Variants in MKLN1 observed in about 807,000 individuals in gnomAD.
The protein encoded by MKLN1 is muskelin.
Under a neutral mutation model 99.0 loss-of-function variants are expected in MKLN1, and 18 were observed. The observed-to-expected ratio is 0.18, with a 90% confidence interval of 0.13 to 0.27. MKLN1 has a LOEUF of 0.27. Ranked by LOEUF, MKLN1 falls within the 10% of genes least tolerant of loss-of-function variation. The probability of loss-of-function intolerance (pLI) is 1.00; values close to 1 mark genes in which losing one functional copy is unlikely to be tolerated. For synonymous variants in MKLN1, 288 were observed against 293.2 expected (o/e 0.98, Z 0.18); for missense variants, 621 against 875.9 (o/e 0.71, Z 3.67).
intron 6 of MKLN1, among the ~76,000 whole-genome samples, chr7:131,400,509 TAAA>T (rs779312882): frequency 7.5e-6 from 1 of 133,148 alleles, no homozygotes; most frequent in Non-Finnish European, 1.6e-5. Context: ...ATGCTACCAA[TAAA>T]AAAAAAATAT....
chr7:131,252,329 C>CTTTTTTTTTTTTTTTTTTTT (rs60581249), intron 3 of MKLN1, among the ~76,000 whole-genome samples: 28 of 118,528 alleles, frequency 2.4e-4, no homozygotes, highest in Non-Finnish European at 3.5e-4. Flanking sequence ...TTTTTCTTTT[C>CTTTTTTTTTTTTTTTTTTTT]TTTTTTTTTT....
intron 2 of MKLN1, among the ~76,000 whole-genome samples, chr7:131,197,232 C>T (rs1425931200): frequency 6.6e-6 from 1 of 151,926 alleles, no homozygotes; most frequent in African/African-American, 2.4e-5. Flanking sequence ...GAGACAGGGT[C>T]TCGCTTTGTT....
chr7:131,277,633 C>G (rs1212285705), intron 3 of MKLN1, among the ~76,000 whole-genome samples: 1 of 152,128 alleles, frequency 6.6e-6, no homozygotes, highest in Non-Finnish European at 1.5e-5. Flanking sequence ...CCAGGCTGGT[C>G]TCAAACTCTT....
intron 3 of MKLN1, among the ~76,000 whole-genome samples, chr7:131,224,461 G>A (rs530894877): frequency 7.9e-5 from 12 of 152,034 alleles, no homozygotes; most frequent in African/African-American, 1.9e-4. Flanking sequence ...CAGGAGAATC[G>A]CTCGAACCCA....
chr7:131,443,167 C>T (rs1318145551), intron 10 of MKLN1, among the ~76,000 whole-genome samples: 1 of 152,156 alleles, frequency 6.6e-6, no homozygotes, highest in Non-Finnish European at 1.5e-5. Context: ...TCACTATTCA[C>T]CCAGAATATA....
intron 2 of MKLN1, among the ~76,000 whole-genome samples, chr7:131,174,525 A>T (rs1485821517): frequency 6.6e-6 from 1 of 152,088 alleles, no homozygotes; most frequent in East Asian, 1.9e-4. Flanking sequence ...ATCCTTCTTT[A>T]TCCTACAAAA....
At chr7:131,148,033 G>C (rs1238515140) in intron 2 of MKLN1, among the ~76,000 whole-genome samples, 2 of 152,098 alleles carry the variant, frequency 1.3e-5, no homozygotes, top group Admixed American at 1.3e-4. Context: ...GGTTTTTTCA[G>C]GGCAGTCAGA....
chr7:131,384,216 C>T (rs910575882), intron 2 of MKLN1, among the ~76,000 whole-genome samples: 1 of 100,500 alleles, frequency 1.0e-5, no homozygotes, highest in African/African-American at 4.0e-5. Flanking sequence ...TGAATGGTCC[C>T]TCCCCCCACC....
At chr7:131,155,663 G>C (rs569362899) in intron 2 of MKLN1, among the ~76,000 whole-genome samples, 83 of 152,196 alleles carry the variant, frequency 5.5e-4, no homozygotes, top group African/African-American at 1.9e-3. Flanking sequence ...TAGATTATAG[G>C]CAAAATCATA....
At chr7:131,110,100 T>A, upstream of MKLN1, 2 of 280,298 alleles carry the variant, frequency 7.1e-6, no homozygotes, top group Non-Finnish European at 1.4e-5. Flanking sequence ...GGGAGGAACC[T>A]GATCCTCCGG....
In MKLN1 at chr7:131,490,260, G is replaced by A. The variant is rs1797392096; in HGVS notation, c.*2532G>A. 6.6e-6 allele frequency: 1 copy of A among 152,516 alleles called. No homozygotes were observed. Among genetic ancestry groups the A allele is most frequent in the Admixed American group, 6.6e-5 (1 of 15,250 alleles). 9.4% of individuals were successfully genotyped at this position (152,516 alleles called of 1,614,324 possible). ...GGTGAATCCCTAATTGAAACACCTG[G>A]CTAACACTTTAGACACATAAATTAA... On this transcript the variant is annotated 3_prime_UTR_variant, in exon 18 of 18. Transcript: ENST00000352689.
Position 131,437,912 on chromosome 7 carries a change from G to T in MKLN1, c.1088G>T (p.Arg363Leu). The T allele has an allele frequency of 6.2e-7, 1 of 1,613,828 alleles. No homozygotes were observed. Among genetic ancestry groups the T allele is most frequent in the Non-Finnish European group, 8.5e-7 (1 of 1,179,828 alleles). Residue 363 changes from arginine to leucine, a missense_variant, in exon 10 of 18, where the codon CGT (arginine) becomes CTT (leucine). By Grantham distance (102) the Arg-to-Leu change is moderately radical. Transcript: ENST00000352689. Reference protein sequence around the residue: ...NSKSLKSDFYRYDIDTNTWML... With the variant: ...NSKSLKSDFYLYDIDTNTWML... ...AAATCTCTGAAAAGTGACTTCTATC[G>T]TTATGACATTGATACAAACACATGG...
At position 131,175,898 on chromosome 7, in the gene MKLN1, C is replaced by A. The variant is rs563986812; in HGVS notation, c.-296-26959C>A. On this transcript the variant is annotated intron_variant, in intron 2 of 7. Transcript: ENST00000416992. ...CTGGGTGACAGAGTGAGACTCCACT[C>A]AAAAAAAAACCAAAAAACAAATATT... 5.1e-3 allele frequency among the ~76,000 whole-genome samples: 739 copies of A among 143,808 alleles called. 7 individuals are homozygous for A. The highest frequency in any genetic ancestry group is 0.024 in the Middle Eastern group (7 of 288). 94.3% of individuals were successfully genotyped at this position (143,808 alleles called of 152,430 possible). A position where few individuals can be genotyped will look rare whatever the true frequency, so the allele number is the denominator to read the frequency against.
chr7:131,136,040 T>G (rs374697763), intron 1 of MKLN1, among the ~76,000 whole-genome samples: 37 of 152,294 alleles, frequency 2.4e-4, no homozygotes, highest in African/African-American at 8.4e-4. Context: ...GAGGGCTGTT[T>G]ATGAGTTCTG....
At chr7:131,300,353 G>A (rs551191292) in intron 3 of MKLN1, among the ~76,000 whole-genome samples, 24 of 151,692 alleles carry the variant, frequency 1.6e-4, no homozygotes, top group Admixed American at 1.2e-3. Context: ...CAAGTTTGGA[G>A]GGTGGGAAAA....
chr7:131,214,615 G>C (rs1199179748), intron 3 of MKLN1, among the ~76,000 whole-genome samples: 1 of 152,150 alleles, frequency 6.6e-6, no homozygotes, highest in African/African-American at 2.4e-5. Context: ...TGGACAGCCT[G>C]TAATCTGAAA....
chr7:131,454,453 C>T (rs1419554011), intron 12 of MKLN1, among the ~76,000 whole-genome samples: 1 of 152,142 alleles, frequency 6.6e-6, no homozygotes, highest in Non-Finnish European at 1.5e-5. Context: ...GAAGTTAGTT[C>T]TGAACTGGAG....
intron 2 of MKLN1, among the ~76,000 whole-genome samples, chr7:131,383,316 C>T (rs1052614908): frequency 3.3e-5 from 5 of 152,130 alleles, no homozygotes; most frequent in Non-Finnish European, 7.4e-5. Context: ...GATATTGCAA[C>T]TTCTAAGCAA....
intron 2 of MKLN1, among the ~76,000 whole-genome samples, chr7:131,381,773 G>T (rs542489750): frequency 1.9e-4 from 29 of 151,468 alleles, no homozygotes; most frequent in Admixed American, 5.2e-4. Flanking sequence ...TCTTTTTTTT[G>T]TCCTCTCATC....
Sources: allele counts gnomAD v4.1 joint callset (sites outside exome capture counted in the v4.1 genomes callset), GRCh38; gene constraint gnomAD v4.1.1; transcripts MANE v1.5; gene names NCBI Gene and HGNC (gene_info 2026-07-23, HGNC 2026-07-21).